Variants in CNTNAP2 observed in about 807,000 individuals in gnomAD.
The protein encoded by CNTNAP2 is contactin associated protein 2, also known as contactin-associated protein-like 2.
In CNTNAP2, 98 loss-of-function variants were observed where a neutral mutation model predicts 155.2. The ratio of observed to expected loss-of-function variants is 0.63; its 90% CI spans 0.54 to 0.75. CNTNAP2 has a LOEUF of 0.75. Ranked by LOEUF, CNTNAP2 falls within the 30% of genes least tolerant of loss-of-function variation. The pLI is 0.00. For synonymous variants in CNTNAP2, 651 were observed against 631.2 expected (o/e 1.03, Z -0.47); for missense variants, 1,727 against 1,688.1 (o/e 1.02, Z -0.40).
At chr7:148,079,228 T>C (rs1176811424) in intron 15 of CNTNAP2, among the ~76,000 whole-genome samples, 1 of 152,224 alleles carries the variant, frequency 6.6e-6, no homozygotes, top group African/African-American at 2.4e-5. Flanking sequence ...TTATACATTT[T>C]AGGGGGACAT....
intron 14 of CNTNAP2, among the ~76,000 whole-genome samples, chr7:147,975,843 TAGTC>T (rs1801418571): frequency 1.3e-5 from 2 of 152,110 alleles, no homozygotes; most frequent in African/African-American, 4.8e-5. Flanking sequence ...CCTACCATGA[TAGTC>T]AGTGGGATAT....
At chr7:146,896,213 C>T (rs905385423) in intron 3 of CNTNAP2, among the ~76,000 whole-genome samples, 1 of 152,024 alleles carries the variant, frequency 6.6e-6, no homozygotes, top group East Asian at 1.9e-4. Flanking sequence ...CTTAGTTTTG[C>T]TATAAATACA....
At chr7:147,640,117 C>G (rs184250362) in intron 13 of CNTNAP2, among the ~76,000 whole-genome samples, 1 of 151,976 alleles carries the variant, frequency 6.6e-6, no homozygotes, top group Non-Finnish European at 1.5e-5. Flanking sequence ...TAAAATTTTA[C>G]CTTAATTGAC....
intron 3 of CNTNAP2, among the ~76,000 whole-genome samples, chr7:146,924,766 G>GT (rs1796572017): frequency 6.6e-6 from 1 of 152,066 alleles, no homozygotes; most frequent in Non-Finnish European, 1.5e-5. Context: ...GACCTGAAGA[G>GT]TTTTTTGTTT....
rs191689373 is a variant in CNTNAP2, at chr7:147,521,698, G to A, written c.1777+35657G>A. Among the ~76,000 whole-genome samples, 50 of 152,294 alleles carry A rather than the reference G, an allele frequency of 3.3e-4. No homozygotes were observed. In the South Asian group the frequency reaches 8.9e-3, roughly 27 times the overall value. On this transcript the variant is annotated intron_variant, in intron 11 of 23. Coordinates refer to ENST00000361727, the MANE Select transcript of CNTNAP2 (RefSeq NM_014141.6). ...CTCGCCAGGATCAGTGATTTTGAAG[G>A]TGGGGGTCAGGGTGGGAGTAGAGGA... is the stretch of plus-strand genomic sequence containing the variant.
intron 8 of CNTNAP2, among the ~76,000 whole-genome samples, chr7:147,295,602 T>C (rs1805424816): frequency 6.6e-6 from 1 of 152,172 alleles, no homozygotes; most frequent in Non-Finnish European, 1.5e-5. Context: ...TATGCTGACA[T>C]ATAAAAAGAT....
chr7:146,228,189 G>A (rs1584813204), intron 1 of CNTNAP2, among the ~76,000 whole-genome samples: 1 of 152,332 alleles, frequency 6.6e-6, no homozygotes, highest in South Asian at 2.1e-4. Flanking sequence ...TTGGGGATAA[G>A]TGTGTGACAC....
intron 9 of CNTNAP2, among the ~76,000 whole-genome samples, chr7:147,341,522 G>A (rs906244944): frequency 6.6e-6 from 1 of 152,044 alleles, no homozygotes; most frequent in Non-Finnish European, 1.5e-5. Flanking sequence ...TGAGAAGTTG[G>A]TTGAACTTCT....
intron 3 of CNTNAP2, among the ~76,000 whole-genome samples, chr7:146,931,407 T>G (rs975167854): frequency 1.3e-5 from 2 of 148,268 alleles, no homozygotes; most frequent in African/African-American, 5.1e-5. Flanking sequence ...AGACACAACA[T>G]ACCAGAATCT....
chr7:147,342,861 G>A (rs943334872), intron 9 of CNTNAP2, among the ~76,000 whole-genome samples: 2 of 152,030 alleles, frequency 1.3e-5, no homozygotes, highest in Non-Finnish European at 2.9e-5. Flanking sequence ...TCCCAAAGTT[G>A]ATAAACAATG....
At chr7:147,047,734 G>A (rs540181208) in intron 4 of CNTNAP2, among the ~76,000 whole-genome samples, 1 of 151,176 alleles carries the variant, frequency 6.6e-6, no homozygotes, top group East Asian at 1.9e-4. Flanking sequence ...GTGAGTTTGT[G>A]CTGTCATGGG....
At chr7:146,242,421 C>A (rs965267913) in intron 1 of CNTNAP2, among the ~76,000 whole-genome samples, 2 of 151,848 alleles carry the variant, frequency 1.3e-5, no homozygotes, top group Admixed American at 1.3e-4. Context: ...TGCCTGTAGT[C>A]CCAGCTACTC....
intron 10 of CNTNAP2, among the ~76,000 whole-genome samples, chr7:147,482,055 T>A (rs1229885018): frequency 6.6e-6 from 1 of 152,140 alleles, no homozygotes; most frequent in Non-Finnish European, 1.5e-5. Flanking sequence ...ATTCTTTCAG[T>A]CAATGTGTCA....
At chr7:148,086,747 G>T (rs567253577) in intron 15 of CNTNAP2, among the ~76,000 whole-genome samples, 65 of 152,288 alleles carry the variant, frequency 4.3e-4, no homozygotes, top group African/African-American at 1.5e-3. Context: ...GCAGCCAACT[G>T]CAGGATCTGT....
chr7:146,759,093 T>C (rs752794966), intron 1 of CNTNAP2, among the ~76,000 whole-genome samples: 1 of 147,108 alleles, frequency 6.8e-6, no homozygotes, highest in Non-Finnish European at 1.5e-5. Context: ...AGTTTTTTTA[T>C]TTTTCATAAA....
chr7:147,991,627 T>C (rs1189500710), intron 15 of CNTNAP2, among the ~76,000 whole-genome samples: 1 of 152,208 alleles, frequency 6.6e-6, no homozygotes, highest in African/African-American at 2.4e-5. Flanking sequence ...TCTTTGGCAA[T>C]TCTAAATTAA....
At chr7:147,615,656 G>A (rs1296305948) in intron 12 of CNTNAP2, among the ~76,000 whole-genome samples, 1 of 151,810 alleles carries the variant, frequency 6.6e-6, no homozygotes, top group Admixed American at 6.6e-5. Context: ...TTTAAAAATA[G>A]AAAACGCCAT....
At chr7:147,839,992 A>G (rs1057200624) in intron 13 of CNTNAP2, among the ~76,000 whole-genome samples, 2 of 151,980 alleles carry the variant, frequency 1.3e-5, no homozygotes, top group South Asian at 2.1e-4. Context: ...GCCATAAACA[A>G]GAATGAAATC....
chr7:147,062,863 A>G (rs1437747024), intron 4 of CNTNAP2, among the ~76,000 whole-genome samples: 2 of 152,220 alleles, frequency 1.3e-5, no homozygotes, highest in Non-Finnish European at 2.9e-5. Context: ...AATAAGCATA[A>G]AAATGAGGTC....
Sources: allele counts gnomAD v4.1 joint callset (sites outside exome capture counted in the v4.1 genomes callset), GRCh38; gene constraint gnomAD v4.1.1; transcripts MANE v1.5; gene names NCBI Gene and HGNC (gene_info 2026-07-23, HGNC 2026-07-21).